Variants in STK4 observed in about 807,000 individuals in gnomAD.
STK4 encodes serine/threonine kinase 4.
In STK4, 30 loss-of-function variants were observed where a neutral mutation model predicts 64.9. The observed-to-expected ratio is 0.46, with a 90% CI of 0.35 to 0.63. STK4 has a LOEUF of 0.63. STK4 is among the 20% of genes least tolerant of loss of function. The probability of loss-of-function intolerance (pLI) is 0.01; values close to 1 mark genes in which losing one functional copy is unlikely to be tolerated. For missense variants in STK4, 466 were observed against 598.5 expected (o/e 0.78, Z 2.31); for synonymous variants, 177 against 199.0 (o/e 0.89, Z 0.93).
rs2067182254 is a variant in STK4, at chr20:44,968,078, C to T, written c.35+1475C>T. On this transcript the variant is annotated intron_variant, in intron 1 of 10. Transcript: ENST00000372806. ...AGGGTAGTGATTTGCTGGGAGAAGT[C>T]ATAGCAAGTAAGAGACAGAGCTAGG... is the stretch of plus-strand genomic sequence containing the variant. 2.6e-5 allele frequency among the ~76,000 whole-genome samples: 4 copies of T among 151,824 alleles called. No homozygotes were observed. In the South Asian group the frequency reaches 8.3e-4, roughly 32 times the overall value.
At chr20:45,061,596 A>ATTT (rs56017495) in intron 10 of STK4, among the ~76,000 whole-genome samples, 15,198 of 140,876 alleles carry the variant, frequency 0.11, 994 homozygotes, top group Middle Eastern at 0.19. Flanking sequence ...TAGTATGGAA[A>ATTT]TTTTTTTTTT....
intron 4 of STK4, among the ~76,000 whole-genome samples, 166 bp downstream of exon 4, chr20:44,982,109 C>CTT (rs11475406): frequency 1.5e-4 from 15 of 98,052 alleles, no homozygotes; most frequent in African/African-American, 3.0e-4. Context: ...AGTGTGACAG[C>CTT]TTTTTTTTTT....
intron 10 of STK4, among the ~76,000 whole-genome samples, chr20:45,052,922 T>C (rs6031955): frequency 0.43 from 64,948 of 152,048 alleles, 14,588 homozygotes; most frequent in Middle Eastern, 0.54. Context: ...AGTAGTCCTG[T>C]CGAGCAGTTT....
chr20:45,017,239 C>T (rs1192388720), intron 9 of STK4, among the ~76,000 whole-genome samples: 1 of 152,138 alleles, frequency 6.6e-6, no homozygotes, highest in Non-Finnish European at 1.5e-5. Flanking sequence ...TTATCTAATA[C>T]TTATGGCATG....
intron 9 of STK4, among the ~76,000 whole-genome samples, chr20:45,009,317 G>C (rs1601257306): frequency 6.6e-6 from 1 of 152,198 alleles, no homozygotes. Flanking sequence ...GCTTGTTTTT[G>C]TTGGCCTTGT....
At chr20:45,032,680 A>G (rs549670694) in intron 10 of STK4, among the ~76,000 whole-genome samples, 9 of 152,298 alleles carry the variant, frequency 5.9e-5, no homozygotes, top group Non-Finnish European at 1.2e-4. Context: ...ATTGATGGGC[A>G]TTTAGGTTAA....
chr20:45,061,042 G>A (rs912325051), intron 10 of STK4, among the ~76,000 whole-genome samples: 23 of 152,254 alleles, frequency 1.5e-4, no homozygotes, highest in African/African-American at 5.3e-4. Flanking sequence ...TCTTGCTGTG[G>A]AGAATCAAGG....
chr20:45,007,316 G>A (rs2067964564), intron 9 of STK4, among the ~76,000 whole-genome samples: 1 of 152,140 alleles, frequency 6.6e-6, no homozygotes, highest in South Asian at 2.1e-4. Flanking sequence ...ACTTTGGGAG[G>A]CCATGGCGGG....
chr20:44,992,308 G>A (rs1449334485), intron 5 of STK4, among the ~76,000 whole-genome samples: 1 of 151,842 alleles, frequency 6.6e-6, no homozygotes, highest in Non-Finnish European at 1.5e-5. Flanking sequence ...ACCCAGGCTG[G>A]AGTACAGTGG....
intron 9 of STK4, among the ~76,000 whole-genome samples, chr20:45,012,847 G>A (rs548464545): frequency 1.6e-4 from 23 of 141,334 alleles, no homozygotes; most frequent in African/African-American, 6.1e-4. Context: ...GCAGTGGCGC[G>A]ATCCTAGCTC....
intron 9 of STK4, among the ~76,000 whole-genome samples, chr20:45,001,678 A>G (rs1346879522): frequency 6.6e-6 from 1 of 152,210 alleles, no homozygotes; most frequent in Non-Finnish European, 1.5e-5. Flanking sequence ...TTGATGCATA[A>G]TTCCTGTGAA....
At chr20:45,056,749 T>G (rs1040917940) in intron 10 of STK4, among the ~76,000 whole-genome samples, 1 of 152,136 alleles carries the variant, frequency 6.6e-6, no homozygotes, top group Non-Finnish European at 1.5e-5. Flanking sequence ...GAGGGGAAAT[T>G]TAATATAATA....
At chr20:44,972,650 T>A (rs925862180) in intron 2 of STK4, 2 of 152,570 alleles carry the variant, frequency 1.3e-5, no homozygotes, top group African/African-American at 4.8e-5. Context: ...TGTTAATGCG[T>A]TTATAAAATA....
intron 4 of STK4, among the ~76,000 whole-genome samples, chr20:44,986,575 T>C (rs909782891): frequency 1.3e-5 from 2 of 152,204 alleles, no homozygotes; most frequent in Non-Finnish European, 2.9e-5. Context: ...ATTTTAATTA[T>C]AGCTTCTGTG....
At chr20:45,047,444 G>A (rs1332402368) in intron 10 of STK4, among the ~76,000 whole-genome samples, 1 of 152,170 alleles carries the variant, frequency 6.6e-6, no homozygotes, top group Non-Finnish European at 1.5e-5. Flanking sequence ...TCTCTAACAT[G>A]TGCAGCCCTT....
At chr20:45,054,362 G>C (rs1978317969) in intron 10 of STK4, among the ~76,000 whole-genome samples, 1 of 152,102 alleles carries the variant, frequency 6.6e-6, no homozygotes, top group Non-Finnish European at 1.5e-5. Context: ...CCAGGAGTTT[G>C]AGACCAGCCT....
rs1225128691 is a variant in STK4 at position 44,995,124 on chromosome 20, C to T, written c.560C>T (p.Thr187Ile). The change falls in exon 6 of 11, where the codon ACA becomes ATA. Residue 187 changes from threonine (T) to isoleucine (I), a missense_variant. Physicochemically the swap from Thr to Ile is moderately conservative, Grantham distance 89. Around this residue, in one of 2 missense-constraint regions of STK4, gnomAD observed 190 missense variants for 289.7 expected, o/e 0.66. Coordinates refer to ENST00000372806, the MANE Select transcript of STK4 (RefSeq NM_006282.5). ...TMAKRNTVIG[T>I]PFWMAPEVIQ... ...GCCAAGCGGAATACAGTGATAGGAA[C>T]ACCATTTTGGATGGCTCCAGAAGTG... is the stretch of plus-strand genomic sequence containing the variant. 1 of 1,612,700 alleles carries T rather than the reference C, an allele frequency of 6.2e-7. No homozygotes were observed. The highest frequency in any genetic ancestry group is 1.3e-5 in the African/African-American group (1 of 74,748).
chr20:45,057,190 C>T (rs368157176), intron 10 of STK4, among the ~76,000 whole-genome samples: 140 of 152,198 alleles, frequency 9.2e-4, no homozygotes, highest in African/African-American at 3.3e-3. Context: ...GCCACAGTGT[C>T]GATGGTCCTC....
chr20:45,004,988 G>T (rs2067911823), intron 9 of STK4, among the ~76,000 whole-genome samples: 1 of 151,466 alleles, frequency 6.6e-6, no homozygotes. Context: ...GGTCAGGCTG[G>T]TCTCAAACTC....
Sources: allele counts gnomAD v4.1 joint callset (sites outside exome capture counted in the v4.1 genomes callset), GRCh38; gene constraint gnomAD v4.1.1; regional missense constraint gnomAD v4.1.1; transcripts MANE v1.5; gene names NCBI Gene and HGNC (gene_info 2026-07-23, HGNC 2026-07-21).